The following ADCY2 variants were observed in gnomAD, a reference collection of about 807,000 sequenced individuals.
The protein encoded by ADCY2 is adenylate cyclase 2, also known as adenylate cyclase type 2.
In ADCY2, 31 loss-of-function variants were observed where a neutral mutation model predicts 125.2. That is an observed-to-expected ratio of 0.25 (90% CI 0.19 to 0.33). The LOEUF (loss-of-function observed/expected upper bound fraction) is 0.33. ADCY2 is among the 10% of genes least tolerant of loss of function. The probability of loss-of-function intolerance (pLI) is 1.00; values close to 1 mark genes in which losing one functional copy is unlikely to be tolerated. For missense variants in ADCY2, 904 were observed against 1,418.2 expected, an observed-to-expected ratio of 0.64 and a Z score of 5.82; for synonymous variants, 512 against 548.4, an observed-to-expected ratio of 0.93 and a Z score of 0.93.
chr5:7,412,300 G>GA (rs1312896564), intron 1 of ADCY2, among the ~76,000 whole-genome samples: 5 of 151,902 alleles, frequency 3.3e-5, no homozygotes, highest in South Asian at 2.1e-4. Context: ...GAAATGACTG[G>GA]AAAAAAAAGT....
At chr5:7,714,421 G>T (rs1219698765) in intron 11 of ADCY2, among the ~76,000 whole-genome samples, 1 of 152,236 alleles carries the variant, frequency 6.6e-6, no homozygotes, top group Non-Finnish European at 1.5e-5. Flanking sequence ...AGTGCAGTCT[G>T]GAAGACAATG....
intron 2 of ADCY2, among the ~76,000 whole-genome samples, chr5:7,506,626 A>G (rs1390250559): frequency 1.3e-5 from 2 of 152,246 alleles, no homozygotes; most frequent in South Asian, 2.1e-4. Context: ...GTATTGTTTT[A>G]TAATACTAGC....
chr5:7,773,168 G>A (rs1743608662), intron 18 of ADCY2, 67 bp downstream of exon 18: 1 of 1,491,822 alleles, frequency 6.7e-7, no homozygotes, highest in Non-Finnish European at 9.1e-7. Flanking sequence ...ATGAGTGTGT[G>A]TTGAGTAAAT....
At chr5:7,762,473 A>G (rs1743253307) in intron 16 of ADCY2, among the ~76,000 whole-genome samples, 1 of 152,188 alleles carries the variant, frequency 6.6e-6, no homozygotes, top group South Asian at 2.1e-4. Context: ...CTGATGCAGC[A>G]CTCAGACTGC....
At chr5:7,659,216 T>C (rs1739444526) in intron 4 of ADCY2, among the ~76,000 whole-genome samples, 1 of 152,262 alleles carries the variant, frequency 6.6e-6, no homozygotes, top group African/African-American at 2.4e-5. Flanking sequence ...ATGGTTTTCC[T>C]TATTCTGCAG....
chr5:7,827,368 G>A lies in ADCY2; in HGVS notation c.*497G>A, dbSNP rs1441117623. The A allele has an allele frequency of 1.9e-5, 3 of 154,386 alleles. No homozygotes were observed. Among genetic ancestry groups the A allele is most frequent in the African/African-American group, 7.2e-5 (3 of 41,476 alleles). The allele number at this position is 154,386 out of a possible 1,614,324, so 9.6% of individuals were successfully genotyped here. On this transcript the variant is annotated 3_prime_UTR_variant, in exon 25 of 25. Coordinates refer to ENST00000338316, the MANE Select transcript of ADCY2 (RefSeq NM_020546.3). ...CCAAGGGCCCCCGTTGGGACCCACG[G>A]CTCTCGTCCCTCTGCTCCGTGTGTC...
At chr5:7,468,736 C>T (rs972564455) in intron 2 of ADCY2, among the ~76,000 whole-genome samples, 7 of 152,062 alleles carry the variant, frequency 4.6e-5, no homozygotes, top group Non-Finnish European at 1.0e-4. Context: ...GCATAGAGGC[C>T]GTGAATTCAC....
At chr5:7,550,313 C>T (rs1354717375) in intron 3 of ADCY2, among the ~76,000 whole-genome samples, 1 of 152,082 alleles carries the variant, frequency 6.6e-6, no homozygotes, top group African/African-American at 2.4e-5. Flanking sequence ...AGAAAGTTAA[C>T]CATTAACAGT....
intron 2 of ADCY2, among the ~76,000 whole-genome samples, chr5:7,422,366 G>C (rs1008305215): frequency 3.3e-5 from 5 of 151,952 alleles, no homozygotes; most frequent in African/African-American, 1.2e-4. Context: ...TGACAAGCAC[G>C]GATCCACTTC....
chr5:7,715,704 T>C (rs1021646985), intron 11 of ADCY2, among the ~76,000 whole-genome samples: 1 of 152,154 alleles, frequency 6.6e-6, no homozygotes, highest in Admixed American at 6.5e-5. Flanking sequence ...CCAAAACTGC[T>C]CTCAGCCTGT....
intron 14 of ADCY2, among the ~76,000 whole-genome samples, chr5:7,729,019 C>G (rs1742016678): frequency 6.6e-6 from 1 of 152,128 alleles, no homozygotes. Context: ...CATGGATGTT[C>G]ATTCTCTCAA....
chr5:7,463,005 G>T (rs1741968359), intron 2 of ADCY2, among the ~76,000 whole-genome samples: 1 of 152,176 alleles, frequency 6.6e-6, no homozygotes, highest in African/African-American at 2.4e-5. Context: ...GGCATGGAGG[G>T]CTTTGTGATA....
chr5:7,532,317 A>G (rs568260233), intron 3 of ADCY2, among the ~76,000 whole-genome samples: 100 of 152,360 alleles, frequency 6.6e-4, no homozygotes, highest in African/African-American at 2.3e-3. Flanking sequence ...TTCAGTGCAT[A>G]CACTTTTCCT....
At chr5:7,825,035 GTGTGCCATAACACTGCTA>G (rs1404076670) in intron 24 of ADCY2, among the ~76,000 whole-genome samples, 3 of 152,080 alleles carry the variant, frequency 2.0e-5, no homozygotes, top group African/African-American at 4.8e-5. Flanking sequence ...TAACACTGCT[GTGTGCCATAACACTGCTA>G]TGTGCCAGAA....
At chr5:7,715,139 C>A (rs767909139) in intron 11 of ADCY2, among the ~76,000 whole-genome samples, 8 of 152,168 alleles carry the variant, frequency 5.3e-5, no homozygotes, top group Non-Finnish European at 1.0e-4. Context: ...TGGCAGAGGT[C>A]ACAAGACTGC....
chr5:7,715,759 A>G (rs1317629011), intron 11 of ADCY2, among the ~76,000 whole-genome samples: 1 of 152,178 alleles, frequency 6.6e-6, no homozygotes, highest in Admixed American at 6.5e-5. Flanking sequence ...AAACAGGATG[A>G]TGGAATTGGA....
In ADCY2 at chr5:7,402,410, T is replaced by A. The variant is rs551850026; in HGVS notation, c.210+5904T>A. On this transcript the variant is annotated intron_variant, in intron 1 of 24. Coordinates refer to ENST00000338316, the MANE Select transcript of ADCY2 (RefSeq NM_020546.3). The stretch of plus-strand genomic sequence containing the variant: ...TAGGAGAAGACTTTGTTTGTTCAAC[T>A]GTTTTTGGCAATGTTAGACATAGTT... Among the ~76,000 whole-genome samples, 259 of 152,366 alleles carry A rather than the reference T, an allele frequency of 1.7e-3. 2 individuals carry two copies. Among genetic ancestry groups the A allele is most frequent in the South Asian group, 8.3e-3 (40 of 4,832 alleles).
At chr5:7,457,889 TA>T (rs1392287720) in intron 2 of ADCY2, among the ~76,000 whole-genome samples, 1 of 152,216 alleles carries the variant, frequency 6.6e-6, no homozygotes, top group Non-Finnish European at 1.5e-5. Context: ...TTTGCAAAAG[TA>T]AAATAAATCT....
intron 1 of ADCY2, among the ~76,000 whole-genome samples, chr5:7,411,957 C>A (rs1357148703): frequency 6.6e-6 from 1 of 151,804 alleles, no homozygotes; most frequent in Non-Finnish European, 1.5e-5. Context: ...CGCCTGTAGT[C>A]CCAGCTACTT....
Sources: gnomAD v4.1 joint callset for allele counts (sites outside exome capture counted in the v4.1 genomes callset) on GRCh38, gnomAD v4.1.1 for gene constraint, MANE v1.5 for transcripts, NCBI Gene and HGNC (gene_info 2026-07-23, HGNC 2026-07-21) for gene names.